CCT8: variants seen among roughly 807,000 people sequenced by gnomAD.
CCT8 encodes the protein chaperonin containing TCP1 subunit 8, also known as T-complex protein 1 subunit theta.
In CCT8, 10 loss-of-function variants were observed where a neutral mutation model predicts 65.7. The observed-to-expected ratio is 0.15, with a 90% confidence interval of 0.09 to 0.26. The LOEUF is 0.26. Ranked by LOEUF, CCT8 falls within the 10% of genes least tolerant of loss-of-function variation. CCT8 has a pLI of 1.00. For synonymous variants in CCT8, 199 were observed against 221.8 expected (o/e 0.90, Z 0.92); for missense variants, 568 against 669.1 (o/e 0.85, Z 1.67).
intron 14 of CCT8, chr21:29,059,378 A>G (rs2085538405): frequency 6.6e-6 from 1 of 152,220 alleles, no homozygotes; most frequent in Admixed American, 6.5e-5. Context: ...CCCCTACCAT[A>G]AGATAAAGCA....
intron 8 of CCT8, 42 bp downstream of exon 8, chr21:29,063,310 C>T: frequency 6.5e-7 from 1 of 1,528,238 alleles, no homozygotes; most frequent in Non-Finnish European, 9.0e-7. Context: ...ACCAAAAAAC[C>T]ATTTATGATA....
At chr21:29,060,395 T>C (rs1053246376) in intron 14 of CCT8, 146 bp downstream of exon 14, 1 of 694,042 alleles carries the variant, frequency 1.4e-6, no homozygotes, top group Admixed American at 3.4e-5. Context: ...AAGAAAAAAA[T>C]TGGAGGGGGG....
At chr21:29,056,868 G>A (rs1387986620) in intron 14 of CCT8, among the ~76,000 whole-genome samples, 2 of 152,172 alleles carry the variant, frequency 1.3e-5, no homozygotes, top group Non-Finnish European at 2.9e-5. Flanking sequence ...ACTGGTGTAA[G>A]TCGGTCAGTT....
chr21:29,062,427 T>G lies in CCT8; in HGVS notation c.1009-12A>C. 6.2e-7 allele frequency: 1 copy of G among 1,612,190 alleles called. No individual in the cohort carries two copies. The highest frequency in any genetic ancestry group is 1.7e-4 in the Middle Eastern group (1 of 6,060). On this transcript the variant is annotated splice_polypyrimidine_tract_variant and intron_variant, in intron 9 of 14. Coordinates refer to ENST00000286788, the MANE Select transcript of CCT8 (RefSeq NM_006585.4). ...AGGACAGGAGGTGTCTGTAAGAAAG[T>G]GACTGTTGTAATAAAAATTCCATCT...
At position 29,056,531 on chromosome 21, in the gene CCT8, C is replaced by G; in HGVS notation, c.1591G>C (p.Gly531Arg). The change falls in exon 15 of 15, where the codon GGT (glycine) becomes CGT (arginine). Residue 531 changes from glycine to arginine, a missense_variant. By Grantham distance (125) the Gly-to-Arg change is moderately radical. Coordinates refer to ENST00000286788, the MANE Select transcript of CCT8 (RefSeq NM_006585.4). ...VDQIIMAKPA[G>R]GPKPPSGKKD... ...TTCCCACTTGGAGGCTTGGGCCCAC[C>G]AGCTGGTTTTGCCATGATGATCTGC... The G allele has an allele frequency of 1.3e-6, 2 of 1,559,402 alleles. No homozygotes were observed. Among genetic ancestry groups the G allele is most frequent in the South Asian group, 1.2e-5 (1 of 82,850 alleles).
chr21:29,066,309 G>A (rs2085621757), intron 6 of CCT8, among the ~76,000 whole-genome samples: 1 of 152,086 alleles, frequency 6.6e-6, no homozygotes, highest in Non-Finnish European at 1.5e-5. Flanking sequence ...GGGAGGCCAA[G>A]GCAGGTGGAT....
At chr21:29,057,761 TGA>T (rs202110473) in intron 14 of CCT8, among the ~76,000 whole-genome samples, 2,204 of 100,190 alleles carry the variant, frequency 0.022, 48 homozygotes, top group African/African-American at 0.061. Flanking sequence ...ATGTATGATA[TGA>T]GATATATATG....
intron 14 of CCT8, chr21:29,059,327 A>G (rs772601815): frequency 2.6e-5 from 4 of 152,250 alleles, no homozygotes; most frequent in Non-Finnish European, 2.9e-5. Flanking sequence ...CATACTTCAC[A>G]TAGAGTGCAA....
chr21:29,059,561 T>C (rs925256527), intron 14 of CCT8: 3 of 152,252 alleles, frequency 2.0e-5, no homozygotes, highest in Non-Finnish European at 4.4e-5. Context: ...TTTCCCCTTT[T>C]ATTCTTAGCC....
chr21:29,073,193 T>C, intron 1 of CCT8: 1 of 960,750 alleles, frequency 1.0e-6, no homozygotes, highest in Non-Finnish European at 1.3e-6. Context: ...TTATTCAATT[T>C]CACCCTCACA....
intron 1 of CCT8, chr21:29,071,957 T>C (rs1388060531): frequency 1.4e-6 from 1 of 702,482 alleles, no homozygotes; most frequent in Admixed American, 2.0e-5. Context: ...CTTACCATTC[T>C]TCCTTTCTTT....
intron 1 of CCT8, 107 bp downstream of exon 1, chr21:29,073,424 T>G (rs778179668): frequency 2.6e-6 from 4 of 1,563,650 alleles, no homozygotes; most frequent in East Asian, 2.3e-5. Flanking sequence ...CCCCGGCCGC[T>G]GAGCCAGGGC....
chr21:29,062,700 C>CA lies in CCT8; in HGVS notation c.942-145dup. On this transcript the variant is annotated intron_variant, in intron 8 of 14. Transcript: ENST00000286788. The stretch of plus-strand genomic sequence containing the variant: ...TTTAACTCAGAACATGTCTGGATTG[C>CA]AATGAACACTAAGGCCAGGAAGCTG... 3 of 670,740 alleles carry CA rather than the reference C, an allele frequency of 4.5e-6. No homozygotes were observed. In the East Asian group the frequency reaches 8.1e-5, roughly 18 times the overall value. The allele number at this position is 670,740 out of a possible 1,614,324, so 41.5% of individuals were successfully genotyped here.
rs1341147841 is a variant in CCT8, at chr21:29,056,470, C to CAATT, written c.*1_*4dup. The stretch of plus-strand genomic sequence containing the variant: ...CCTTCACCTACAGTAAAAATTAAGC[C>CAATT]AATTTCAATCATTTTGGTCATCATC... On this transcript the variant is annotated 3_prime_UTR_variant, in exon 15 of 15. Transcript: ENST00000286788. 5 of 1,497,064 alleles carry CAATT rather than the reference C, an allele frequency of 3.3e-6. No individual in the cohort carries two copies. Among genetic ancestry groups the CAATT allele is most frequent in the Non-Finnish European group, 3.6e-6 (4 of 1,116,734 alleles). The allele number at this position is 1,497,064 out of a possible 1,614,324, so 92.7% of individuals were successfully genotyped here.
intron 1 of CCT8, among the ~76,000 whole-genome samples, chr21:29,071,529 G>C (rs2085680053): frequency 6.6e-6 from 1 of 151,832 alleles, no homozygotes; most frequent in Non-Finnish European, 1.5e-5. Context: ...CTGAGTAGCT[G>C]GGATTAGAGG....
At chr21:29,073,063 A>C (rs2085700677) in intron 1 of CCT8, 1 of 167,242 alleles carries the variant, frequency 6.0e-6, no homozygotes, top group African/African-American at 2.4e-5. Context: ...CAAGCAACCA[A>C]GACCCGGCCC....
At chr21:29,067,096 T>C (rs763655303) in intron 4 of CCT8, 25 bp from the exon 5 acceptor site, 12 of 1,559,672 alleles carry the variant, frequency 7.7e-6, no homozygotes, top group East Asian at 2.3e-5. Flanking sequence ...ACATTTCCTA[T>C]TCTGACATGA....
chr21:29,061,843 C>T (rs1396414074), intron 11 of CCT8, among the ~76,000 whole-genome samples: 2 of 152,210 alleles, frequency 1.3e-5, no homozygotes, highest in Non-Finnish European at 2.9e-5. Flanking sequence ...GCACTAAGAA[C>T]TGCTTTAGCA....
chr21:29,068,491 G>A (rs1184724479), intron 3 of CCT8, among the ~76,000 whole-genome samples: 1 of 151,526 alleles, frequency 6.6e-6, no homozygotes, highest in African/African-American at 2.4e-5. Context: ...ATGGAGTCTT[G>A]CTCTGTCGCC....
Sources: gnomAD v4.1 joint callset for allele counts (sites outside exome capture counted in the v4.1 genomes callset) on GRCh38, gnomAD v4.1.1 for gene constraint, MANE v1.5 for transcripts, NCBI Gene and HGNC (gene_info 2026-07-23, HGNC 2026-07-21) for gene names.